Variants in ESR1 observed in about 807,000 individuals in gnomAD.
ESR1 encodes estrogen receptor.
A neutral mutation model predicts 52.7 loss-of-function variants in ESR1; 12 were observed. The observed-to-expected ratio is 0.23, with a 90% CI of 0.15 to 0.37. The LOEUF (loss-of-function observed/expected upper bound fraction) is 0.37, where lower values mean the gene tolerates loss of function less well. Ranked by LOEUF, ESR1 falls within the 10% of genes least tolerant of loss-of-function variation. The probability of loss-of-function intolerance (pLI) is 1.00; values close to 1 mark genes in which losing one functional copy is unlikely to be tolerated. For synonymous variants in ESR1, 305 were observed against 316.8 expected (o/e 0.96, Z 0.39); for missense variants, 584 against 779.7 (o/e 0.75, Z 2.99).
At chr6:151,816,878 CA>C (rs1050187034) in intron 1 of ESR1, among the ~76,000 whole-genome samples, 1 of 151,622 alleles carries the variant, frequency 6.6e-6, no homozygotes, top group Non-Finnish European at 1.5e-5. Context: ...CCTGTCTCTA[CA>C]AAAAAACAAA....
At chr6:151,756,361 C>T (rs960664896) in intron 2 of ESR1, among the ~76,000 whole-genome samples, 2 of 152,146 alleles carry the variant, frequency 1.3e-5, no homozygotes, top group Admixed American at 6.5e-5. Flanking sequence ...AATTCTCCTG[C>T]CTCGGCCTCC....
At chr6:152,123,775 A>G (rs1339185923) in intron 6 of ESR1, among the ~76,000 whole-genome samples, 2 of 152,222 alleles carry the variant, frequency 1.3e-5, no homozygotes, top group African/African-American at 2.4e-5. Context: ...ATCACCAAGG[A>G]TAAGGACATT....
Position 151,812,939 on chromosome 6 carries a change from G to A in ESR1, c.452+4575G>A, listed in dbSNP as rs563817027. Among the ~76,000 whole-genome samples the A allele has an allele frequency of 3.3e-5, 5 of 150,728 alleles. No individual in the cohort carries two copies. The South Asian group carries it at 8.4e-4, about 25-fold the overall frequency. On this transcript the variant is annotated intron_variant, in intron 1 of 7. Coordinates refer to ENST00000206249, the MANE Select transcript of ESR1 (RefSeq NM_000125.4). Reference sequence around the variant, plus strand: ...TGAGGGGTTTTATATTTTAAACTCCGCCAGTGAATTGACGTGTAATGTCAC... The same window carrying A: ...TGAGGGGTTTTATATTTTAAACTCCACCAGTGAATTGACGTGTAATGTCAC...
At chr6:152,113,936 A>G (rs996758802) in intron 6 of ESR1, among the ~76,000 whole-genome samples, 3 of 152,278 alleles carry the variant, frequency 2.0e-5, no homozygotes, top group African/African-American at 7.2e-5. Context: ...GAGCCAAGGT[A>G]TTTTTGGCTC....
At position 151,849,994 on chromosome 6, in the gene ESR1, A is replaced by AATTT. The variant is rs1426531354; in HGVS notation, c.643+7207_643+7208insATTT. Among the ~76,000 whole-genome samples, 88 of 105,014 alleles carry AATTT rather than the reference A, an allele frequency of 8.4e-4. 1 individual carries two copies. The highest frequency in any genetic ancestry group is 2.1e-3 in the African/African-American group (56 of 26,608). 68.9% of individuals were successfully genotyped at this position (105,014 alleles called of 152,430 possible). A position where few individuals can be genotyped will look rare whatever the true frequency, so the allele number is the denominator to read the frequency against. ...CCTAGGGAATTATATATATATATAT[A>AATTT]TATATATATATAATTTTGTATATAT... is the stretch of plus-strand genomic sequence containing the variant. On this transcript the variant is annotated intron_variant, in intron 2 of 7. Coordinates refer to ENST00000206249, the MANE Select transcript of ESR1 (RefSeq NM_000125.4).
At chr6:151,913,822 A>G (rs1335383637) in intron 3 of ESR1, among the ~76,000 whole-genome samples, 3 of 152,148 alleles carry the variant, frequency 2.0e-5, no homozygotes, top group Non-Finnish European at 4.4e-5. Context: ...CCATCAAATT[A>G]CTAGAAAATT....
chr6:151,874,125 G>A (rs955970978), intron 2 of ESR1, among the ~76,000 whole-genome samples: 1 of 152,094 alleles, frequency 6.6e-6, no homozygotes. Flanking sequence ...TTATTTCTGA[G>A]CCTTAAAATA....
rs1585262395 is a variant in ESR1 at position 152,100,927 on chromosome 6, A to G, written c.*1961A>G. ...AAGCACCTTATATAGTATAATATAT[A>G]TTTTTTTGAAATTACATTGCTTGTT... On this transcript the variant is annotated 3_prime_UTR_variant, in exon 8 of 8. Coordinates refer to ENST00000206249, the MANE Select transcript of ESR1 (RefSeq NM_000125.4). The G allele has an allele frequency of 4.4e-6, 1 of 229,530 alleles. No homozygotes were observed. Among genetic ancestry groups the G allele is most frequent in the Non-Finnish European group, 8.6e-6 (1 of 115,862 alleles). 14.2% of individuals were successfully genotyped at this position (229,530 alleles called of 1,614,324 possible).
chr6:151,819,521 C>T (rs1004806630), intron 1 of ESR1, among the ~76,000 whole-genome samples: 1 of 152,166 alleles, frequency 6.6e-6, no homozygotes, highest in Non-Finnish European at 1.5e-5. Context: ...CATAGGAATG[C>T]AAACCCTACT....
At chr6:151,729,684 C>G (rs931544321) in intron 2 of ESR1, among the ~76,000 whole-genome samples, 1 of 152,146 alleles carries the variant, frequency 6.6e-6, no homozygotes, top group African/African-American at 2.4e-5. Flanking sequence ...TCCTATTCCT[C>G]TATTTACAGA....
At position 152,099,202 on chromosome 6, in the gene ESR1, C is replaced by T; in HGVS notation, c.*236C>T. ...TAAATCTTTGTAACAGCTCTCTTTC[C>T]CCCTTGCTATGTTACTAAGCGTGAG... On this transcript the variant is annotated 3_prime_UTR_variant, in exon 8 of 8. Coordinates refer to ENST00000206249, the MANE Select transcript of ESR1 (RefSeq NM_000125.4). The T allele has an allele frequency of 1.8e-6, 1 of 570,368 alleles. No homozygotes were observed. Among genetic ancestry groups the T allele is most frequent in the South Asian group, 1.9e-5 (1 of 51,312 alleles). The allele number at this position is 570,368 out of a possible 1,614,324, so 35.3% of individuals were successfully genotyped here.
intron 5 of ESR1, among the ~76,000 whole-genome samples, chr6:152,036,347 G>A (rs1188187868): frequency 2.6e-5 from 4 of 152,132 alleles, no homozygotes; most frequent in Non-Finnish European, 5.9e-5. Context: ...GCAACAGTGC[G>A]AGACTCCATC....
chr6:151,693,064 A>G (rs1046869521), intron 1 of ESR1, among the ~76,000 whole-genome samples: 8 of 152,208 alleles, frequency 5.3e-5, no homozygotes, highest in Non-Finnish European at 1.0e-4. Flanking sequence ...ATTTAACCTC[A>G]TGCCTTGAAT....
chr6:151,971,960 G>A (rs1049555653), intron 4 of ESR1, among the ~76,000 whole-genome samples: 4 of 152,116 alleles, frequency 2.6e-5, no homozygotes, highest in Non-Finnish European at 5.9e-5. Context: ...AATTAGAAAC[G>A]AAACAGGAGC....
chr6:151,806,307 A>G (rs1489424109), upstream of ESR1, among the ~76,000 whole-genome samples: 2 of 152,088 alleles, frequency 1.3e-5, no homozygotes, highest in Admixed American at 6.5e-5. Flanking sequence ...GATATAAAAT[A>G]GTCAAAAATG....
chr6:151,869,587 T>C (rs1362101517), intron 2 of ESR1, among the ~76,000 whole-genome samples: 3 of 152,132 alleles, frequency 2.0e-5, no homozygotes, highest in Admixed American at 6.6e-5. Flanking sequence ...GTTTTGCAGA[T>C]GGTAAGTTAG....
intron 6 of ESR1, among the ~76,000 whole-genome samples, chr6:152,076,581 G>A (rs1303189935): frequency 6.6e-6 from 1 of 152,172 alleles, no homozygotes. Context: ...GAAAATGTGG[G>A]AAAGTTTGAA....
At chr6:151,750,657 C>T (rs1783832674) in intron 2 of ESR1, among the ~76,000 whole-genome samples, 1 of 152,142 alleles carries the variant, frequency 6.6e-6, no homozygotes, top group African/African-American at 2.4e-5. Flanking sequence ...GAAGTCTCTT[C>T]TCGAATGCTA....
chr6:152,043,722 C>G (rs1584975123), intron 5 of ESR1, among the ~76,000 whole-genome samples: 1 of 152,144 alleles, frequency 6.6e-6, no homozygotes, highest in East Asian at 1.9e-4. Flanking sequence ...TTGCCTGTTT[C>G]CTCTGGTAAA....
Sources: allele counts gnomAD v4.1 joint callset (sites outside exome capture counted in the v4.1 genomes callset), GRCh38; gene constraint gnomAD v4.1.1; transcripts MANE v1.5; gene names NCBI Gene and HGNC (gene_info 2026-07-23, HGNC 2026-07-21).